SOX5: variants seen among roughly 807,000 people sequenced by gnomAD.
SOX5 encodes the protein SRY-box transcription factor 5, also known as transcription factor SOX-5.
A neutral mutation model predicts 92.0 loss-of-function variants in SOX5; 9 were observed. The ratio of observed to expected loss-of-function variants is 0.10; its 90% CI spans 0.06 to 0.17. The LOEUF (loss-of-function observed/expected upper bound fraction) is 0.17. SOX5 is among the 10% of genes least tolerant of loss of function. The pLI is 1.00. For missense variants in SOX5, 642 were observed against 944.5 expected (o/e 0.68, Z 4.20); for synonymous variants, 344 against 336.3 (o/e 1.02, Z -0.25).
At chr12:24,166,222 T>C (rs1312117983) in intron 4 of SOX5, among the ~76,000 whole-genome samples, 2 of 151,620 alleles carry the variant, frequency 1.3e-5, no homozygotes, top group Non-Finnish European at 2.9e-5. Flanking sequence ...AGAAGAGGAG[T>C]GACTTTTATG....
chr12:24,026,504 CT>C (rs1954896082), intron 4 of SOX5, among the ~76,000 whole-genome samples: 1 of 149,788 alleles, frequency 6.7e-6, no homozygotes, highest in Non-Finnish European at 1.5e-5. Flanking sequence ...AATCCTAGTA[CT>C]TTGGGAGGCC....
At chr12:24,506,803 T>TTTA (rs1948808855) in intron 1 of SOX5, among the ~76,000 whole-genome samples, 1 of 141,040 alleles carries the variant, frequency 7.1e-6, no homozygotes, top group African/African-American at 2.8e-5. Context: ...TTTTTTTTTT[T>TTTA]TTTGGAGACG....
chr12:24,036,526 G>A (rs1044283509), intron 4 of SOX5, among the ~76,000 whole-genome samples: 1 of 152,054 alleles, frequency 6.6e-6, no homozygotes, highest in Non-Finnish European at 1.5e-5. Flanking sequence ...TTATATGTGG[G>A]CATTATATTT....
chr12:23,951,325 C>T (rs1011862648), upstream of SOX5, among the ~76,000 whole-genome samples: 1 of 151,992 alleles, frequency 6.6e-6, no homozygotes, highest in African/African-American at 2.4e-5. Flanking sequence ...ATTCCTCCCC[C>T]CCAACCCCCT....
At chr12:24,165,449 G>C (rs1953288735) in intron 4 of SOX5, among the ~76,000 whole-genome samples, 2 of 152,014 alleles carry the variant, frequency 1.3e-5, no homozygotes, top group South Asian at 4.2e-4. Context: ...AGATTATTTA[G>C]ATTTACCAGT....
chr12:23,790,603 C>A (rs2095458749), intron 3 of SOX5, among the ~76,000 whole-genome samples: 1 of 150,610 alleles, frequency 6.6e-6, no homozygotes, highest in Non-Finnish European at 1.5e-5. Flanking sequence ...ACACTCCTTT[C>A]TTTTCAATTG....
rs998020206 is a variant in SOX5, at chr12:23,996,838, G to A, written c.-1-100814C>T. Among the ~76,000 whole-genome samples the A allele has an allele frequency of 6.6e-5, 10 of 152,142 alleles. 1 individual carries two copies. The East Asian group carries it at 1.9e-3, about 29-fold the overall frequency. ...CTAATGGGAAGGGAAAATAGGGAAT[G>A]GCTGCTTACTGAGTATGGAATTTTC... is the stretch of plus-strand genomic sequence containing the variant. On this transcript the variant is annotated intron_variant, in intron 4 of 4. Coordinates refer to the SOX5 transcript ENST00000446891.
At chr12:23,680,390 G>A (rs2086420688) in intron 6 of SOX5, among the ~76,000 whole-genome samples, 1 of 141,964 alleles carries the variant, frequency 7.0e-6, no homozygotes, top group African/African-American at 2.6e-5. Flanking sequence ...CAAATAGACA[G>A]CAAGTTAGAC....
intron 4 of SOX5, among the ~76,000 whole-genome samples, chr12:24,144,502 T>C (rs1950881861): frequency 6.7e-6 from 1 of 150,214 alleles, no homozygotes; most frequent in South Asian, 2.1e-4. Context: ...AAACAAATTA[T>C]ATAATTAAAA....
At chr12:23,643,998 T>C (rs1293177941) in intron 7 of SOX5, among the ~76,000 whole-genome samples, 2 of 152,188 alleles carry the variant, frequency 1.3e-5, no homozygotes, top group Non-Finnish European at 2.9e-5. Context: ...TGACTCCCAC[T>C]CCCTGGTATT....
At position 23,648,165 on chromosome 12, in the gene SOX5, T is replaced by C. The variant is rs1378351004; in HGVS notation, c.932-7268A>G. Among the ~76,000 whole-genome samples the C allele has an allele frequency of 3.3e-5, 5 of 152,124 alleles. No homozygotes were observed. The East Asian group carries it at 5.8e-4, about 18-fold the overall frequency. ...CCATAACATATAATAATAATCAAGT[T>C]TGAAATATTGAAAAAATTATCAAAA... On this transcript the variant is annotated intron_variant, in intron 7 of 14. Transcript: ENST00000451604.
intron 6 of SOX5, among the ~76,000 whole-genome samples, chr12:23,690,401 T>C (rs2088551170): frequency 6.6e-6 from 1 of 152,216 alleles, no homozygotes; most frequent in Admixed American, 6.5e-5. Flanking sequence ...TGATTTATTT[T>C]GTGGACTCTT....
chr12:24,193,108 G>T (rs1040548463), intron 4 of SOX5, among the ~76,000 whole-genome samples: 1 of 152,058 alleles, frequency 6.6e-6, no homozygotes, highest in Non-Finnish European at 1.5e-5. Flanking sequence ...CCAGAGAGAT[G>T]TACACACACG....
chr12:24,325,205 G>A (rs897712200), intron 2 of SOX5, among the ~76,000 whole-genome samples: 3 of 151,516 alleles, frequency 2.0e-5, no homozygotes, highest in Non-Finnish European at 4.4e-5. Flanking sequence ...ATAATAGAAA[G>A]TTATACACAC....
rs181707891 is a variant in SOX5, at chr12:23,557,745, G to A, written c.1488+5513C>T. ...CATCCCAGCGCTTTGGGAGGCCAAG[G>A]CGGGCGGATCATGAGGTCAGGAGAT... is the stretch of plus-strand genomic sequence containing the variant. On this transcript the variant is annotated intron_variant, in intron 11 of 14. Coordinates refer to ENST00000451604, the MANE Select transcript of SOX5 (RefSeq NM_006940.6). Among the ~76,000 whole-genome samples, 36 of 152,294 alleles carry A rather than the reference G, an allele frequency of 2.4e-4. No individual in the cohort carries two copies. The South Asian group carries it at 5.2e-3, about 22-fold the overall frequency.
intron 1 of SOX5, among the ~76,000 whole-genome samples, chr12:24,397,104 A>T (rs1018687323): frequency 6.6e-5 from 10 of 152,316 alleles, no homozygotes; most frequent in Admixed American, 4.6e-4. Context: ...GCGTGTTTAG[A>T]AACCCTCCAA....
At chr12:23,732,407 T>G (rs1292623706) in intron 6 of SOX5, among the ~76,000 whole-genome samples, 1 of 152,186 alleles carries the variant, frequency 6.6e-6, no homozygotes, top group African/African-American at 2.4e-5. Context: ...ATAAGACTTC[T>G]CCAAATTAAC....
At chr12:24,337,366 A>AGT in intron 2 of SOX5, among the ~76,000 whole-genome samples, 1 of 147,434 alleles carries the variant, frequency 6.8e-6, no homozygotes, top group East Asian at 2.0e-4. Context: ...AGAGAGAGAG[A>AGT]GTTTCACTCT....
At chr12:24,540,136 T>A (rs1457710680) in intron 1 of SOX5, among the ~76,000 whole-genome samples, 1 of 152,108 alleles carries the variant, frequency 6.6e-6, no homozygotes, top group Non-Finnish European at 1.5e-5. Flanking sequence ...TATACTGAGA[T>A]GTTCTCACGT....
Sources: allele counts gnomAD v4.1 joint callset (sites outside exome capture counted in the v4.1 genomes callset), GRCh38; gene constraint gnomAD v4.1.1; transcripts MANE v1.5; gene names NCBI Gene and HGNC (gene_info 2026-07-23, HGNC 2026-07-21).